BNC2: variants seen among roughly 807,000 people sequenced by gnomAD.
The protein encoded by BNC2 is basonuclin zinc finger protein 2, also known as zinc finger protein basonuclin-2.
BNC2 carries 20 observed loss-of-function variants against 76.3 expected under a neutral mutation model. That is an observed-to-expected ratio of 0.26 (90% CI 0.18 to 0.38). The LOEUF (loss-of-function observed/expected upper bound fraction) is 0.38, where lower values mean the gene tolerates loss of function less well. Ranked by LOEUF, BNC2 falls within the 10% of genes least tolerant of loss-of-function variation. The probability of loss-of-function intolerance (pLI) is 1.00; values close to 1 mark genes in which losing one functional copy is unlikely to be tolerated. For missense variants in BNC2, 1,382 were observed against 1,399.8 expected, an observed-to-expected ratio of 0.99 and a Z score of 0.20; for synonymous variants, 582 against 514.8, an observed-to-expected ratio of 1.13 and a Z score of -1.77.
At position 16,819,178 on chromosome 9, in the gene BNC2, G is replaced by T. The variant is rs147076308; in HGVS notation, c.3+51468C>A. On this transcript the variant is annotated intron_variant, in intron 1 of 6. Coordinates refer to ENST00000380672, the MANE Select transcript of BNC2 (RefSeq NM_017637.6). ...CTATAAGCTGTCTGTACAACAAACG[G>T]TCAAAGAAAAAAGCAAATAGTAGAG... is the stretch of plus-strand genomic sequence containing the variant. 1.8e-4 allele frequency among the ~76,000 whole-genome samples: 28 copies of T among 152,204 alleles called. No homozygotes were observed. The East Asian group carries it at 5.4e-3, about 29-fold the overall frequency.
rs145783988 is a variant in BNC2 at position 16,736,444 on chromosome 9, T to TTTATTA, written c.129+1910_129+1915dup. 1.7e-3 allele frequency among the ~76,000 whole-genome samples: 247 copies of TTTATTA among 149,312 alleles called. 3 individuals are homozygous for TTTATTA. Among genetic ancestry groups the TTTATTA allele is most frequent in the African/African-American group, 5.7e-3 (233 of 40,780 alleles). On this transcript the variant is annotated intron_variant, in intron 2 of 6. Transcript: ENST00000380672. ...AAAATTTTTATAGAAACAGAGACTA[T>TTTATTA]TTATTATTATTATTGTTTATTATTA... is the stretch of plus-strand genomic sequence containing the variant.
Position 16,436,318 on chromosome 9 carries a change from C to A in BNC2, c.1876G>T (p.Asp626Tyr), listed in dbSNP as rs1821012977. 3.7e-6 allele frequency: 6 copies of A among 1,614,012 alleles called. No individual in the cohort carries two copies. The Admixed American group carries it at 5.0e-5, about 13-fold the overall frequency. Residue 626 changes from aspartate to tyrosine, a missense_variant, in exon 6 of 7, where the codon GAC (aspartate) becomes TAC (tyrosine). Coordinates refer to ENST00000380672, the MANE Select transcript of BNC2 (RefSeq NM_017637.6). ...CTGGGCTTTTTCTTGGGTGCCAGGT[C>A]AGCACTGGGCTCATGGGTGGCCATC... The part of the protein sequence containing the change: ...VMMATHEPSA[D>Y]LAPKKKPRKS...
chr9:16,587,964 C>G (rs900910065), intron 3 of BNC2, among the ~76,000 whole-genome samples: 7 of 152,068 alleles, frequency 4.6e-5, no homozygotes, highest in African/African-American at 1.7e-4. Flanking sequence ...GTGTGATTAT[C>G]GATATGGGTT....
chr9:16,822,519 T>C (rs938799517), intron 1 of BNC2, among the ~76,000 whole-genome samples: 4 of 152,264 alleles, frequency 2.6e-5, no homozygotes, highest in African/African-American at 9.6e-5. Flanking sequence ...CAGTATGGCC[T>C]TTAAGGAAAA....
At chr9:16,829,981 T>G (rs191038882) in intron 1 of BNC2, among the ~76,000 whole-genome samples, 2 of 152,358 alleles carry the variant, frequency 1.3e-5, no homozygotes, top group African/African-American at 4.8e-5. Context: ...ATTTGTAGAA[T>G]GGGCCTTACT....
At chr9:16,693,531 C>T (rs1823246151) in intron 3 of BNC2, among the ~76,000 whole-genome samples, 2 of 152,152 alleles carry the variant, frequency 1.3e-5, no homozygotes, top group Admixed American at 1.3e-4. Flanking sequence ...TACAAGCCCT[C>T]CACGTGATGC....
chr9:16,481,408 T>C (rs1395437754), intron 5 of BNC2, among the ~76,000 whole-genome samples: 1 of 152,102 alleles, frequency 6.6e-6, no homozygotes, highest in East Asian at 1.9e-4. Context: ...ACACTGCTTT[T>C]ATGAGCTGTA....
rs939178180 is a variant in BNC2, at chr9:16,479,183, C to T, written c.670-41659G>A. ...AGGAGAACTGCTTGAATCTGGGAGG[C>T]GGAGGCTGCAGTGAGCCCACTGCGC... On this transcript the variant is annotated intron_variant, in intron 5 of 6. Transcript: ENST00000380672. Among the ~76,000 whole-genome samples the T allele has an allele frequency of 2.0e-5, 3 of 147,050 alleles. No individual in the cohort carries two copies. In the South Asian group the frequency reaches 6.4e-4, roughly 32 times the overall value.
At chr9:16,514,772 T>C (rs762686350) in intron 5 of BNC2, among the ~76,000 whole-genome samples, 31 of 152,278 alleles carry the variant, frequency 2.0e-4, no homozygotes, top group Non-Finnish European at 3.7e-4. Flanking sequence ...GTCTCGATGA[T>C]GACAGAATTG....
Position 16,786,810 on chromosome 9 carries a change from T to C in BNC2, c.4-48325A>G, listed in dbSNP as rs890801671. Among the ~76,000 whole-genome samples the C allele has an allele frequency of 5.3e-5, 8 of 152,260 alleles. No individual in the cohort carries two copies. In the South Asian group the frequency reaches 8.3e-4, roughly 16 times the overall value. On this transcript the variant is annotated intron_variant, in intron 1 of 6. Transcript: ENST00000380672. ...GAGTGGCATCCTCAAGGGAAGGTCA[T>C]TGATCTGCGGCACAATAACTCCCAC...
intron 6 of BNC2, chr9:16,429,756 A>G (rs560817767): frequency 1.3e-5 from 4 of 307,606 alleles, no homozygotes; most frequent in African/African-American, 8.6e-5. Flanking sequence ...ATGAAAAGGA[A>G]ATCATTCGTC....
chr9:16,527,220 C>A (rs1467894754), intron 5 of BNC2, among the ~76,000 whole-genome samples: 1 of 152,242 alleles, frequency 6.6e-6, no homozygotes, highest in African/African-American at 2.4e-5. Context: ...CCATACCTGA[C>A]AGATTCACTA....
At chr9:16,689,025 C>T (rs1016910030) in intron 3 of BNC2, among the ~76,000 whole-genome samples, 24 of 151,976 alleles carry the variant, frequency 1.6e-4, no homozygotes, top group African/African-American at 5.6e-4. Context: ...AAGGGAGGGC[C>T]AGTGGGCATT....
intron 1 of BNC2, among the ~76,000 whole-genome samples, chr9:16,868,458 G>A (rs1563978591): frequency 6.6e-6 from 1 of 152,160 alleles, no homozygotes; most frequent in African/African-American, 2.4e-5. Flanking sequence ...TAGTAGGAAT[G>A]TACTGCTATT....
intron 3 of BNC2, among the ~76,000 whole-genome samples, chr9:16,701,207 C>G (rs1415632507): frequency 6.6e-6 from 1 of 152,210 alleles, no homozygotes. Flanking sequence ...GTTCTACATA[C>G]TGACTTCCTC....
At chr9:16,420,130 T>C (rs1489316382) in intron 6 of BNC2, among the ~76,000 whole-genome samples, 1 of 152,130 alleles carries the variant, frequency 6.6e-6, no homozygotes, top group Non-Finnish European at 1.5e-5. Context: ...TTTTGAGGTA[T>C]AGAAAAAATT....
chr9:16,557,920 G>A (rs1375267250), intron 4 of BNC2, among the ~76,000 whole-genome samples: 2 of 151,822 alleles, frequency 1.3e-5, no homozygotes, highest in African/African-American at 4.8e-5. Context: ...GAGTGCAGTG[G>A]CAGGATCGCG....
chr9:16,491,329 T>C (rs1307818014), intron 5 of BNC2, among the ~76,000 whole-genome samples: 1 of 152,128 alleles, frequency 6.6e-6, no homozygotes, highest in East Asian at 1.9e-4. Flanking sequence ...TGCAGTGATA[T>C]ACTCAACAGG....
chr9:16,648,963 C>A (rs1242223793), intron 3 of BNC2, among the ~76,000 whole-genome samples: 1 of 152,136 alleles, frequency 6.6e-6, no homozygotes. Context: ...CCAATGATAT[C>A]TTTATGTGCT....
Sources: gnomAD v4.1 joint callset for allele counts (sites outside exome capture counted in the v4.1 genomes callset) on GRCh38, gnomAD v4.1.1 for gene constraint, MANE v1.5 for transcripts, NCBI Gene and HGNC (gene_info 2026-07-23, HGNC 2026-07-21) for gene names.